Variants in CFAP47 observed in about 807,000 individuals in gnomAD.
CFAP47 encodes the protein cilia and flagella associated protein 47.
CFAP47 carries 29 observed loss-of-function variants against 148.1 expected under a neutral mutation model. That is an observed-to-expected ratio of 0.20 (90% CI 0.15 to 0.27). The LOEUF is 0.27. Among genes scored for constraint, CFAP47 ranks in the 10% least tolerant of loss-of-function variants. The pLI is 1.00. For missense variants in CFAP47, 1,872 were observed against 1,697.5 expected (o/e 1.10, Z -1.81); for synonymous variants, 664 against 577.3 (o/e 1.15, Z -2.15).
At position 36,046,990 on chromosome X, in the gene CFAP47, C is replaced by T. The variant is rs770023506; in HGVS notation, c.4144C>T (p.His1382Tyr). Residue 1382 changes from histidine to tyrosine, a missense_variant, in exon 26 of 64, where the codon CAC becomes TAC. Physicochemically the swap from His to Tyr is moderately conservative, Grantham distance 83. Coordinates refer to ENST00000378653, the MANE Select transcript of CFAP47 (RefSeq NM_001304548.2). ...TGGAATTAATAATAAGCTCACTTGC[C>T]ACCTCAGTTTCAAGTCATCTAAACC... Reference protein sequence around the residue: ...HSGINNKLTCHLSFKSSKPVS... With the variant: ...HSGINNKLTCYLSFKSSKPVS... 3 of 1,162,195 alleles carry T rather than the reference C, an allele frequency of 2.6e-6. No individual in the cohort carries two copies. In the South Asian group the frequency reaches 5.7e-5, roughly 22 times the overall value.
At chrX:36,083,256 TATGCATGTATAC>T (rs1398484798) in intron 29 of CFAP47, among the ~76,000 whole-genome samples, 1 of 110,557 alleles carries the variant, frequency 9.0e-6, no homozygotes, top group East Asian at 2.9e-4. Context: ...AGTATACATA[TATGCATGTATAC>T]ATGCATGTAT....
At chrX:36,185,796 T>G (rs1569283673) in intron 40 of CFAP47, among the ~76,000 whole-genome samples, 1 of 111,772 alleles carries the variant, frequency 8.9e-6, no homozygotes, top group Non-Finnish European at 1.9e-5. Flanking sequence ...TGTGCTCATA[T>G]GACCTCTTCT....
chrX:36,237,724 A>G (rs1462779264), intron 48 of CFAP47, among the ~76,000 whole-genome samples: 1 of 111,992 alleles, frequency 8.9e-6, no homozygotes, highest in Non-Finnish European at 1.9e-5. Context: ...CACTCCTACA[A>G]TTACCCACAA....
rs374859962 is a variant in CFAP47 at position 36,126,077 on chromosome X, A to AATT, written c.5321-11862_5321-11860dup. ...GCTTTTGTTTTATTTTTCCCTTCAA[A>AATT]ATTATTATTATTATTATTATTTTAT... On this transcript the variant is annotated intron_variant, in intron 33 of 63. Coordinates refer to ENST00000378653, the MANE Select transcript of CFAP47 (RefSeq NM_001304548.2). Among the ~76,000 whole-genome samples the AATT allele has an allele frequency of 9.0e-3, 960 of 107,192 alleles. 4 individuals are homozygous for AATT. Among genetic ancestry groups the AATT allele is most frequent in the African/African-American group, 0.032 (918 of 29,113 alleles). The allele number at this position is 107,192 out of a possible 115,157, so 93.1% of individuals were successfully genotyped here.
chrX:36,314,689 A>G (rs1284356328), intron 56 of CFAP47, among the ~76,000 whole-genome samples: 1 of 111,603 alleles, frequency 9.0e-6, no homozygotes, highest in African/African-American at 3.3e-5. Flanking sequence ...CTATCTATCT[A>G]TCATCTATCT....
intron 48 of CFAP47, among the ~76,000 whole-genome samples, chrX:36,241,474 C>G (rs372197025): frequency 3.6e-5 from 4 of 112,003 alleles, no homozygotes; most frequent in South Asian, 7.5e-4. Flanking sequence ...GGGCACCTGC[C>G]TGGCTGCCCC....
rs149495190 is a variant in CFAP47, at chrX:36,158,356, T to G, written c.5787-1070T>G. On this transcript the variant is annotated intron_variant, in intron 37 of 63. Coordinates refer to ENST00000378653, the MANE Select transcript of CFAP47 (RefSeq NM_001304548.2). ...ACAGCGGTATCAAGGCAAGGCAAGATTGAAAGATTGATCCAGTAACAAAAT... is the reference window on the plus strand; with the variant it reads ...ACAGCGGTATCAAGGCAAGGCAAGAGTGAAAGATTGATCCAGTAACAAAAT... Among the ~76,000 whole-genome samples the G allele has an allele frequency of 5.3e-3, 598 of 112,336 alleles. 4 individuals carry two copies. Among genetic ancestry groups the G allele is most frequent in the African/African-American group, 0.018 (570 of 30,968 alleles).
intron 57 of CFAP47, among the ~76,000 whole-genome samples, chrX:36,334,887 T>C (rs1941592175): frequency 9.0e-6 from 1 of 110,535 alleles, no homozygotes; most frequent in Admixed American, 9.8e-5. Flanking sequence ...GTTGGAGTAT[T>C]ACAAAACATG....
At chrX:35,921,776 T>C (rs1347283480) in intron 1 of CFAP47, among the ~76,000 whole-genome samples, 1 of 107,141 alleles carries the variant, frequency 9.3e-6, no homozygotes, top group Non-Finnish European at 1.9e-5. Context: ...GAAAAGTGCA[T>C]CTTGTTGGGG....
At chrX:36,381,034 T>A (rs1461155283) in intron 63 of CFAP47, among the ~76,000 whole-genome samples, 2 of 111,941 alleles carry the variant, frequency 1.8e-5, no homozygotes, top group Admixed American at 9.5e-5. Context: ...TACAATTTGA[T>A]ACAGTTTATG....
At chrX:36,105,552 A>G (rs1411285194) in intron 33 of CFAP47, among the ~76,000 whole-genome samples, 1 of 112,280 alleles carries the variant, frequency 8.9e-6, no homozygotes, top group Admixed American at 9.5e-5. Flanking sequence ...TTTAGAAAAC[A>G]TTCAAGAAAA....
chrX:36,144,845 C>A, intron 35 of CFAP47: 1 of 1,008,309 alleles, frequency 9.9e-7, no homozygotes, highest in Non-Finnish European at 1.3e-6. Flanking sequence ...CTAGGACTTG[C>A]ACCAGCAGCC....
chrX:36,173,784 A>G (rs1172834675), intron 39 of CFAP47, among the ~76,000 whole-genome samples: 10 of 111,756 alleles, frequency 8.9e-5, no homozygotes, highest in East Asian at 5.7e-4. Flanking sequence ...CTGTTGATTT[A>G]GGGTGGAGAG....
intron 22 of CFAP47, among the ~76,000 whole-genome samples, chrX:36,024,881 T>C (rs961074914): frequency 8.9e-6 from 1 of 111,785 alleles, no homozygotes; most frequent in African/African-American, 3.3e-5. Flanking sequence ...AGTTGCTTTT[T>C]TTGTGTAGAT....
chrX:36,342,630 T>C (rs62592503), intron 57 of CFAP47, among the ~76,000 whole-genome samples: 2,972 of 111,489 alleles, frequency 0.027, 42 homozygotes, highest in Non-Finnish European at 0.041. Flanking sequence ...TGTGTTTTTT[T>C]GATAATTAGT....
intron 33 of CFAP47, among the ~76,000 whole-genome samples, chrX:36,130,112 C>T (rs1208483262): frequency 1.8e-5 from 2 of 110,798 alleles, no homozygotes; most frequent in Non-Finnish European, 3.8e-5. Context: ...GTAATGGATA[C>T]AATCAACAAA....
chrX:36,374,826 G>A (rs375230089), intron 62 of CFAP47: 1 of 1,109,504 alleles, frequency 9.0e-7, no homozygotes, highest in African/African-American at 1.8e-5. Context: ...TCACTCCTGT[G>A]TGTTTTCGTC....
intron 22 of CFAP47, among the ~76,000 whole-genome samples, chrX:36,025,060 G>A (rs1239586106): frequency 9.0e-6 from 1 of 111,442 alleles, no homozygotes; most frequent in Non-Finnish European, 1.9e-5. Context: ...CATCCCGTAA[G>A]TATCTCTTCT....
At chrX:36,235,118 G>A (rs1423429710) in intron 46 of CFAP47, among the ~76,000 whole-genome samples, 1 of 111,555 alleles carries the variant, frequency 9.0e-6, no homozygotes, top group Non-Finnish European at 1.9e-5. Context: ...CTCCAGGTGT[G>A]TGCTGGGAGA....
Sources: gnomAD v4.1 joint callset for allele counts (sites outside exome capture counted in the v4.1 genomes callset) on GRCh38, gnomAD v4.1.1 for gene constraint, MANE v1.5 for transcripts, NCBI Gene and HGNC (gene_info 2026-07-23, HGNC 2026-07-21) for gene names.